The following ZNF536 variants were observed in gnomAD, a reference collection of about 807,000 sequenced individuals.
The protein encoded by ZNF536 is zinc finger protein 536.
Under a neutral mutation model 84.5 loss-of-function variants are expected in ZNF536, and 13 were observed. That is an observed-to-expected ratio of 0.15 (90% CI 0.10 to 0.24). The LOEUF (loss-of-function observed/expected upper bound fraction) is 0.24, where lower values mean the gene tolerates loss of function less well. ZNF536 is among the 10% of genes least tolerant of loss of function. The pLI, the probability that ZNF536 is intolerant of heterozygous loss-of-function variation, is 1.00. For synonymous variants in ZNF536, 811 were observed against 742.5 expected (o/e 1.09, Z -1.50); for missense variants, 1,536 against 1,747.5 (o/e 0.88, Z 2.16).
Position 30,417,124 on chromosome 19 carries a change from C to T in ZNF536, c.-2-26437C>T, listed in dbSNP as rs555721374. Among the ~76,000 whole-genome samples, 46 of 150,892 alleles carry T rather than the reference C, an allele frequency of 3.0e-4. 1 individual carries two copies. In the South Asian group the frequency reaches 8.5e-3, roughly 28 times the overall value. ...GAATAGCTGGGATTACAGGTGCATG[C>T]CACCACGCCAGGCTAATTTTTGTAT... is the stretch of plus-strand genomic sequence containing the variant. On this transcript the variant is annotated intron_variant, in intron 1 of 4. Transcript: ENST00000355537.
chr19:30,478,264 G>A (rs932632791), intron 2 of ZNF536, among the ~76,000 whole-genome samples: 1 of 151,168 alleles, frequency 6.6e-6, no homozygotes, highest in Non-Finnish European at 1.5e-5. Context: ...TAAACTTCCT[G>A]TATGCTCTTA....
chr19:30,651,752 C>G (rs2049716759), intron 1 of ZNF536, among the ~76,000 whole-genome samples: 1 of 151,988 alleles, frequency 6.6e-6, no homozygotes, highest in African/African-American at 2.4e-5. Context: ...CATTTTAAAC[C>G]CACACTGTGT....
chr19:30,594,814 C>A (rs1007077570), intron 1 of ZNF536, among the ~76,000 whole-genome samples: 5 of 152,086 alleles, frequency 3.3e-5, no homozygotes, highest in Non-Finnish European at 1.5e-5. Flanking sequence ...AACGTCTGAG[C>A]CACGCTGGCA....
intron 2 of ZNF536, among the ~76,000 whole-genome samples, chr19:30,469,516 A>G (rs1047547216): frequency 6.6e-6 from 1 of 152,134 alleles, no homozygotes; most frequent in Non-Finnish European, 1.5e-5. Flanking sequence ...CTTCCTCCTC[A>G]AAGGGAGAGC....
intron 3 of ZNF536, among the ~76,000 whole-genome samples, chr19:30,357,558 G>A (rs1008481344): frequency 6.6e-6 from 1 of 152,126 alleles, no homozygotes; most frequent in Non-Finnish European, 1.5e-5. Context: ...ATTGGCTCTT[G>A]GTGGCCTTCG....
chr19:30,293,201 T>TGAGG (rs1469654280), intron 2 of ZNF536, among the ~76,000 whole-genome samples: 1 of 152,174 alleles, frequency 6.6e-6, no homozygotes, highest in East Asian at 1.9e-4. Flanking sequence ...TTGTTACTGA[T>TGAGG]GAGGGAGTGG....
At chr19:30,613,941 C>A (rs1156984411) in intron 1 of ZNF536, among the ~76,000 whole-genome samples, 2 of 152,240 alleles carry the variant, frequency 1.3e-5, no homozygotes, top group African/African-American at 4.8e-5. Flanking sequence ...TGGCTCACTG[C>A]AACCTCCGCC....
intron 2 of ZNF536, among the ~76,000 whole-genome samples, chr19:30,305,566 T>C (rs1473098220): frequency 1.3e-5 from 2 of 152,190 alleles, no homozygotes; most frequent in African/African-American, 4.8e-5. Flanking sequence ...GCCCCCTTCA[T>C]CACTGAGAAG....
At chr19:30,621,389 T>C (rs2048476448) in intron 1 of ZNF536, among the ~76,000 whole-genome samples, 1 of 151,774 alleles carries the variant, frequency 6.6e-6, no homozygotes, top group Non-Finnish European at 1.5e-5. Context: ...AGAAAGGGGG[T>C]GTGGCCTCTC....
intron 2 of ZNF536, among the ~76,000 whole-genome samples, chr19:30,312,348 T>C (rs2046534891): frequency 6.6e-6 from 1 of 152,142 alleles, no homozygotes; most frequent in South Asian, 2.1e-4. Flanking sequence ...GGAGAAAGCC[T>C]GTCTCAGAGA....
rs1300813936 is a variant in ZNF536, at chr19:30,466,755, G to GGGAAGGAAGGAAGGAA, written c.2170+21066_2170+21081dup. On this transcript the variant is annotated intron_variant, in intron 2 of 4. Coordinates refer to ENST00000355537, the MANE Select transcript of ZNF536 (RefSeq NM_014717.3). ...AGGGAGGGAGGGAAGGAAGAAAGGA[G>GGGAAGGAAGGAAGGAA]GGAAGGAAGGAAGGAAGGAAGGAAG... 3.1e-3 allele frequency among the ~76,000 whole-genome samples: 191 copies of GGGAAGGAAGGAAGGAA among 62,556 alleles called. 1 individual carries two copies. Among genetic ancestry groups the GGGAAGGAAGGAAGGAA allele is most frequent in the Non-Finnish European group, 4.1e-3 (152 of 36,650 alleles). The allele number at this position is 62,556 out of a possible 152,430, so 41.0% of individuals were successfully genotyped here.
chr19:30,651,852 T>G (rs2049720586), intron 1 of ZNF536, among the ~76,000 whole-genome samples: 1 of 152,224 alleles, frequency 6.6e-6, no homozygotes, highest in Non-Finnish European at 1.5e-5. Context: ...AAGGAACTAC[T>G]CTTTTGTTCT....
chr19:30,259,131 A>AT (rs1189636909), intron 1 of ZNF536, among the ~76,000 whole-genome samples: 2 of 151,976 alleles, frequency 1.3e-5, no homozygotes, highest in African/African-American at 2.4e-5. Flanking sequence ...CCGCTTTTTC[A>AT]TTTTGTTTGC....
intron 1 of ZNF536, among the ~76,000 whole-genome samples, chr19:30,437,733 G>T (rs2051819297): frequency 6.6e-6 from 1 of 152,146 alleles, no homozygotes; most frequent in Admixed American, 6.5e-5. Flanking sequence ...TTCTACATTG[G>T]GGGGATGATG....
chr19:30,499,244 C>G (rs894759171), intron 2 of ZNF536, among the ~76,000 whole-genome samples: 2 of 148,596 alleles, frequency 1.3e-5, no homozygotes, highest in Non-Finnish European at 3.0e-5. Flanking sequence ...GAGGGCCTAT[C>G]TGTTCAGATA....
chr19:30,682,900 G>A (rs2051032855), intron 1 of ZNF536, among the ~76,000 whole-genome samples: 1 of 152,236 alleles, frequency 6.6e-6, no homozygotes, highest in Admixed American at 6.5e-5. Context: ...ATGACGACAA[G>A]ATGGTATATG....
chr19:30,511,169 C>T (rs993653210), intron 2 of ZNF536, among the ~76,000 whole-genome samples: 3 of 152,214 alleles, frequency 2.0e-5, no homozygotes, highest in South Asian at 2.1e-4. Context: ...TGTGGCTTGG[C>T]GAGGCTTTTT....
At chr19:30,441,408 G>A (rs2052041421) in intron 1 of ZNF536, among the ~76,000 whole-genome samples, 1 of 152,232 alleles carries the variant, frequency 6.6e-6, no homozygotes, top group African/African-American at 2.4e-5. Flanking sequence ...GGGGCCACCA[G>A]TCTCTGCCTG....
At chr19:30,573,520 G>A (rs2046624759) in intron 1 of ZNF536, among the ~76,000 whole-genome samples, 1 of 152,104 alleles carries the variant, frequency 6.6e-6, no homozygotes, top group Admixed American at 6.5e-5. Flanking sequence ...AAGAAAGGTT[G>A]AAACTTAGAA....
Sources: allele counts gnomAD v4.1 joint callset (sites outside exome capture counted in the v4.1 genomes callset), GRCh38; gene constraint gnomAD v4.1.1; transcripts MANE v1.5; gene names NCBI Gene and HGNC (gene_info 2026-07-23, HGNC 2026-07-21).